The following NBPF15 variants were observed in gnomAD, a reference collection of about 807,000 sequenced individuals.
The protein encoded by NBPF15 is NBPF member 15, also known as NBPF family member NBPF15.
Under a neutral mutation model 62.2 loss-of-function variants are expected in NBPF15, and 74 were observed. The observed-to-expected ratio is 1.19, with a 90% confidence interval of 0.99 to 1.44. The LOEUF is 1.44. NBPF15 is among the 40% of genes most tolerant of loss of function. The pLI is 0.00. For missense variants in NBPF15, 790 were observed against 550.0 expected (o/e 1.44, Z -4.36); for synonymous variants, 244 against 209.7 (o/e 1.16, Z -1.41).
At chr1:144,428,694 C>T (rs1477174641) in intron 14 of NBPF15, 37 bp from the exon 15 acceptor site, 6 of 847,786 alleles carry the variant, frequency 7.1e-6, no homozygotes, top group Non-Finnish European at 1.2e-5. Flanking sequence ...TTACATTAAG[C>T]AGTTCTTCCT....
rs1227877402 is a variant in NBPF15 at position 144,461,591 on chromosome 1, C to G, written c.-1148G>C. ...CCTCACCTACCCCTCCCGATACCGC[C>G]GCTGTCTCAACCGCCGCCCAGCCCA... is the stretch of plus-strand genomic sequence containing the variant. On this transcript the variant is annotated 5_prime_UTR_variant, in exon 1 of 22. Coordinates refer to ENST00000581897, the MANE Select transcript of NBPF15 (RefSeq NM_001385408.1). 21 of 152,952 alleles carry G rather than the reference C, an allele frequency of 1.4e-4. No homozygotes were observed. The highest frequency in any genetic ancestry group is 2.1e-4 in the South Asian group (1 of 4,832). 9.5% of individuals were successfully genotyped at this position (152,952 alleles called of 1,614,324 possible).
intron 4 of NBPF15, among the ~76,000 whole-genome samples, chr1:144,453,638 C>CA (rs200525708): frequency 0.015 from 530 of 36,346 alleles, 5 homozygotes; most frequent in Non-Finnish European, 0.025. Context: ...CAACACAAAG[C>CA]AAAAAAAAAA....
chr1:144,432,848 T>A lies in NBPF15; in HGVS notation c.824+925A>T, dbSNP rs2101927877. Among the ~76,000 whole-genome samples the A allele has an allele frequency of 1.3e-5, 2 of 151,998 alleles. 1 individual carries two copies. The highest frequency in any genetic ancestry group is 3.9e-4 in the East Asian group (2 of 5,160). On this transcript the variant is annotated intron_variant, in intron 13 of 21. Coordinates refer to ENST00000581897, the MANE Select transcript of NBPF15 (RefSeq NM_001385408.1). Reference sequence around the variant, plus strand: ...ACAAAGAGATTTAGACTCCACACAATCATAATGGGAGACTTTAACACCCCA... The same window carrying A: ...ACAAAGAGATTTAGACTCCACACAAACATAATGGGAGACTTTAACACCCCA...
chr1:144,442,155 TACACGTG>T (rs1683558826), intron 6 of NBPF15, among the ~76,000 whole-genome samples: 3 of 3,472 alleles, frequency 8.6e-4, no homozygotes, highest in Admixed American at 6.0e-3. Context: ...ATAATATATA[TACACGTG>T]TATATATATA....
chr1:144,427,849 T>C lies in NBPF15; in HGVS notation c.1182A>G (p.Gln394=). 1 of 730,072 alleles carries C rather than the reference T, an allele frequency of 1.4e-6. No homozygotes were observed. Among genetic ancestry groups the C allele is most frequent in the Admixed American group, 2.0e-5 (1 of 50,548 alleles). 45.2% of individuals were successfully genotyped at this position (730,072 alleles called of 1,614,324 possible). A position where few individuals can be genotyped will look rare whatever the true frequency, so the allele number is the denominator to read the frequency against. The change falls in exon 16 of 22, where the codon CAA becomes CAG. Residue 394 remains glutamine (Q), a synonymous_variant. Transcript: ENST00000581897. ...PYRSAFYVLE[Q]QRVGLAIDMD... The stretch of plus-strand genomic sequence containing the variant: ...TGTCAATAGCCAAGCCAACACGCTG[T>C]TGCTCCAATACGTAAAAGGCACTTC...
intron 20 of NBPF15, 109 bp downstream of exon 20, chr1:144,424,581 A>T: frequency 1.5e-6 from 1 of 655,148 alleles, no homozygotes; most frequent in Non-Finnish European, 2.7e-6. Context: ...ATAGGTCCTC[A>T]CTGCGGCAAT....
In NBPF15 at chr1:144,427,805, G is replaced by T. The variant is rs1169250158; in HGVS notation, c.1213+13C>A. On this transcript the variant is annotated intron_variant, in intron 16 of 21. Coordinates refer to ENST00000581897, the MANE Select transcript of NBPF15 (RefSeq NM_001385408.1). Reference sequence around the variant, plus strand: ...TCAGTGGATCCTTATCACCTTCATAGAAAGGTACTCACCATCCATGTCAAT... The same window carrying T: ...TCAGTGGATCCTTATCACCTTCATATAAAGGTACTCACCATCCATGTCAAT... 2 of 690,918 alleles carry T rather than the reference G, an allele frequency of 2.9e-6. No individual in the cohort carries two copies. Among genetic ancestry groups the T allele is most frequent in the Admixed American group, 2.1e-5 (1 of 47,410 alleles). The allele number at this position is 690,918 out of a possible 1,614,324, so 42.8% of individuals were successfully genotyped here.
At chr1:144,424,174 TG>T (rs1423795550) in intron 20 of NBPF15, among the ~76,000 whole-genome samples, 199 bp from the exon 21 acceptor site, 3 of 152,074 alleles carry the variant, frequency 2.0e-5, no homozygotes, top group Non-Finnish European at 4.4e-5. Flanking sequence ...GTGGGTAAAG[TG>T]TCCCTATTCT....
chr1:144,447,743 T>C (rs1688598553), intron 6 of NBPF15, among the ~76,000 whole-genome samples: 1 of 152,084 alleles, frequency 6.6e-6, no homozygotes, highest in Admixed American at 6.6e-5. Flanking sequence ...AGTCAAGATA[T>C]TGTTATTTTC....
In NBPF15 at chr1:144,451,849, C is replaced by T. The variant is rs145918551; in HGVS notation, c.-431-979G>A. On this transcript the variant is annotated intron_variant, in intron 4 of 21. Transcript: ENST00000581897. ...CACAGACACAGTAACAATCTGATAT[C>T]TCTTTCTTTTCCCCACAGTTCAGGT... 2.6e-3 allele frequency among the ~76,000 whole-genome samples: 397 copies of T among 151,516 alleles called. 4 individuals are homozygous for T. Among genetic ancestry groups the T allele is most frequent in the African/African-American group, 9.4e-3 (385 of 40,970 alleles).
intron 6 of NBPF15, among the ~76,000 whole-genome samples, chr1:144,441,941 C>T (rs1327993051): frequency 6.7e-6 from 1 of 148,376 alleles, no homozygotes; most frequent in African/African-American, 2.5e-5. Flanking sequence ...TGTTCTCACT[C>T]ATGGGTGGGA....
rs6695216 is a variant in NBPF15, at chr1:144,423,182, G to T, written c.1844C>A (p.Pro615Gln). The change falls in exon 22 of 22, where the codon CCG (proline) becomes CAG (glutamine). Residue 615 changes from proline (P) to glutamine (Q), a missense_variant. By Grantham distance (76) the Pro-to-Gln change is moderately conservative (BLOSUM62 -1). Transcript: ENST00000581897. ...QDSLDRCYST[P>Q]SMYFEQPDSF... ...GTCAGGTTGTTCAAAGTACATTGAC[G>T]GAGTCGAATAACATCTATCCAGTGA... 25,217 of 1,608,838 alleles carry T rather than the reference G, an allele frequency of 0.016. 596 individuals are homozygous for T. The highest frequency in any genetic ancestry group is 0.051 in the South Asian group (4,636 of 90,674).
intron 13 of NBPF15, among the ~76,000 whole-genome samples, chr1:144,432,152 C>A (rs1354480291): frequency 6.6e-6 from 1 of 151,826 alleles, no homozygotes; most frequent in African/African-American, 2.4e-5. Flanking sequence ...TCTCCAGCAT[C>A]TTCAACCTTC....
rs587727141 is a variant in NBPF15 at position 144,442,956 on chromosome 1, C to T, written c.-190-2661G>A. ...AAGAAGGTATTCATGGCAATTTCATCAACAAGTAATGTTATGAAATGGCCT... is the reference window on the plus strand; with the variant it reads ...AAGAAGGTATTCATGGCAATTTCATTAACAAGTAATGTTATGAAATGGCCT... On this transcript the variant is annotated intron_variant, in intron 6 of 21. Transcript: ENST00000581897. The T allele has an allele frequency of 3.4e-5, 7 of 203,332 alleles. No individual in the cohort carries two copies. The South Asian group carries it at 5.7e-4, about 17-fold the overall frequency. The allele number at this position is 203,332 out of a possible 1,614,324, so 12.6% of individuals were successfully genotyped here.
Position 144,422,012 on chromosome 1 carries a change from T to C in NBPF15, c.*1001A>G, listed in dbSNP as rs1369897725. ...ATTGAGCCAGACAGCTGACCTGTCC[T>C]CTATAAACAAGTCCATGTCACCACC... On this transcript the variant is annotated 3_prime_UTR_variant, in exon 22 of 22. Transcript: ENST00000581897. The C allele has an allele frequency of 3.7e-3, 470 of 128,550 alleles. No homozygotes were observed. The highest frequency in any genetic ancestry group is 0.017 in the African/African-American group (444 of 26,880). 8.0% of individuals were successfully genotyped at this position (128,550 alleles called of 1,614,324 possible).
At position 144,423,003 on chromosome 1, in the gene NBPF15, T is replaced by A. The variant is rs1327518539; in HGVS notation, c.*10A>T. On this transcript the variant is annotated 3_prime_UTR_variant, in exon 22 of 22. Transcript: ENST00000581897. ...GCAGGAATGACATCTCTCGGCTTAG[T>A]AAGAGCTGCTTATTGTGGGAATATG... 2 of 1,611,704 alleles carry A rather than the reference T, an allele frequency of 1.2e-6. No individual in the cohort carries two copies. Among genetic ancestry groups the A allele is most frequent in the Admixed American group, 1.7e-5 (1 of 59,982 alleles).
Position 144,423,149 on chromosome 1 carries a change from T to G in NBPF15, c.1877A>C (p.Gln626Pro), listed in dbSNP as rs1666894832. The G allele has an allele frequency of 6.2e-7, 1 of 1,611,612 alleles. No individual in the cohort carries two copies. The highest frequency in any genetic ancestry group is 8.5e-7 in the Non-Finnish European group (1 of 1,179,604). ...TGAGTAAAACACACTTCTGTAGTGCTGGAATGAGTCAGGTTGTTCAAAGTA... is the reference window on the plus strand; with the variant it reads ...TGAGTAAAACACACTTCTGTAGTGCGGGAATGAGTCAGGTTGTTCAAAGTA... ...SMYFEQPDSF[Q>P]HYRSVFYSFE... Residue 626 changes from glutamine to proline, a missense_variant, in exon 22 of 22, where the codon CAG becomes CCG. Gln to Pro is a moderately conservative substitution (Grantham distance 76). Coordinates refer to ENST00000581897, the MANE Select transcript of NBPF15 (RefSeq NM_001385408.1).
intron 4 of NBPF15, among the ~76,000 whole-genome samples, chr1:144,452,405 A>C (rs186696501): frequency 3.1e-4 from 45 of 147,402 alleles, no homozygotes; most frequent in East Asian, 1.0e-3. Flanking sequence ...TCACAAAACG[A>C]ACACAATAGT....
intron 18 of NBPF15, 23 bp from the exon 19 acceptor site, chr1:144,425,591 C>G: frequency 1.8e-6 from 1 of 547,850 alleles, no homozygotes; most frequent in Non-Finnish European, 3.2e-6. Context: ...CAGACAGGGA[C>G]AGACAAAATA....
Sources: allele counts gnomAD v4.1 joint callset (sites outside exome capture counted in the v4.1 genomes callset), GRCh38; gene constraint gnomAD v4.1.1; transcripts MANE v1.5; gene names NCBI Gene and HGNC (gene_info 2026-07-23, HGNC 2026-07-21).